Variants in TLCD3B observed in about 807,000 individuals in gnomAD.
The protein encoded by TLCD3B is ceramide synthase.
In TLCD3B, 9 loss-of-function variants were observed where a neutral mutation model predicts 23.0. That is an observed-to-expected ratio of 0.39 (90% CI 0.24 to 0.68). The LOEUF is 0.68. TLCD3B is among the 30% of genes least tolerant of loss of function. TLCD3B has a pLI of 0.44. For synonymous variants in TLCD3B, 161 were observed against 161.0 expected, an observed-to-expected ratio of 1.00 and a Z score of 0.00; for missense variants, 307 against 371.8, an observed-to-expected ratio of 0.83 and a Z score of 1.43.
intron 2 of TLCD3B, chr16:30,027,167 C>A (rs1026196527): frequency 4.1e-6 from 2 of 487,266 alleles, no homozygotes; most frequent in Non-Finnish European, 8.1e-6. Flanking sequence ...AAGCCCAGGA[C>A]AGGCAGGTGG....
At chr16:30,036,469 A>G (rs1024453001) in intron 3 of TLCD3B, 2 of 1,201,748 alleles carry the variant, frequency 1.7e-6, no homozygotes, top group Non-Finnish European at 2.1e-6. Flanking sequence ...AGGTCCTGCC[A>G]TCCTGCCTTC....
chr16:30,027,215 G>A, intron 2 of TLCD3B: 1 of 461,674 alleles, frequency 2.2e-6, no homozygotes, highest in Non-Finnish European at 4.3e-6. Context: ...CTTACCATGA[G>A]GTTAGGACCA....
intron 2 of TLCD3B, among the ~76,000 whole-genome samples, chr16:30,042,826 C>T (rs574246174): frequency 6.6e-6 from 1 of 152,206 alleles, no homozygotes; most frequent in South Asian, 2.1e-4. Context: ...AGGCCAGGCA[C>T]AGTGGCTCAC....
chr16:30,043,323 A>C (rs2071606807), intron 2 of TLCD3B, among the ~76,000 whole-genome samples: 1 of 152,144 alleles, frequency 6.6e-6, no homozygotes, highest in Non-Finnish European at 1.5e-5. Context: ...TCCTGTGCTC[A>C]GGGGATCCTC....
chr16:30,032,178 G>A (rs150827555), upstream of TLCD3B, among the ~76,000 whole-genome samples: 803 of 152,278 alleles, frequency 5.3e-3, 18 homozygotes, highest in Middle Eastern at 0.041. Context: ...CTGGGGACTG[G>A]GCCCGGGTGG....
chr16:30,037,505 T>G (rs1461592411), intron 3 of TLCD3B, among the ~76,000 whole-genome samples: 1 of 146,476 alleles, frequency 6.8e-6, no homozygotes, highest in African/African-American at 2.6e-5. Flanking sequence ...ATGGCACCAC[T>G]GCACTCCAGC....
intron 2 of TLCD3B, among the ~76,000 whole-genome samples, chr16:30,042,208 G>T (rs978732129): frequency 6.6e-6 from 1 of 151,794 alleles, no homozygotes; most frequent in Non-Finnish European, 1.5e-5. Context: ...TTTCTGAGCC[G>T]CCTTTATTTA....
At chr16:30,026,978 A>G in intron 2 of TLCD3B, 135 bp from the exon 3 acceptor site, 1 of 763,462 alleles carries the variant, frequency 1.3e-6, no homozygotes. Context: ...TCCAGAGGGT[A>G]GAGGGTGAGA....
intron 2 of TLCD3B, among the ~76,000 whole-genome samples, chr16:30,044,535 C>T (rs1051066772): frequency 1.3e-5 from 2 of 152,118 alleles, no homozygotes; most frequent in African/African-American, 4.8e-5. Flanking sequence ...TGGTCTCAAA[C>T]TCCTGACCTC....
chr16:30,033,046 G>A (rs1326749447), upstream of TLCD3B: 1 of 152,096 alleles, frequency 6.6e-6, no homozygotes, highest in Non-Finnish European at 1.5e-5. Flanking sequence ...TCATGAGATC[G>A]AGACCATCCT....
chr16:30,025,991 T>C lies in TLCD3B; in HGVS notation c.445-170A>G, dbSNP rs558607590. Among the ~76,000 whole-genome samples, 2 of 152,162 alleles carry C rather than the reference T, an allele frequency of 1.3e-5. No homozygotes were observed. The highest frequency in any genetic ancestry group is 4.8e-5 in the African/African-American group (2 of 41,530). ...GCTCACGCCGGTAATCCCAGCACTT[T>C]GGGAGGCTGAGGCAGGTGGATCACG... is the stretch of plus-strand genomic sequence containing the variant. On this transcript the variant is annotated intron_variant, in intron 3 of 4. Coordinates refer to ENST00000380495, the MANE Select transcript of TLCD3B (RefSeq NM_031478.6). The surrounding 1 kb of genome is among the most constrained non-coding windows in gnomAD (Gnocchi z 4.1).
At chr16:30,048,731 C>G (rs1328191577) in intron 1 of TLCD3B, among the ~76,000 whole-genome samples, 1 of 151,898 alleles carries the variant, frequency 6.6e-6, no homozygotes, top group Non-Finnish European at 1.5e-5. Flanking sequence ...CTCAGCCTCC[C>G]GAGTAGCTGA....
In TLCD3B at chr16:30,045,092, C is replaced by CAAAAAAAAAAA. The variant is rs1162281544; in HGVS notation, c.-229+1220_-229+1230dup. On this transcript the variant is annotated intron_variant, in intron 2 of 6. Coordinates refer to the TLCD3B transcript ENST00000561666. ...TGGGCGACAAAGCAAGACTCCATCT[C>CAAAAAAAAAAA]AAAAAAAAAAAAAAAAAAAAAAAAA... 8.9e-3 allele frequency among the ~76,000 whole-genome samples: 197 copies of CAAAAAAAAAAA among 22,140 alleles called. 5 individuals are homozygous for CAAAAAAAAAAA. Among genetic ancestry groups the CAAAAAAAAAAA allele is most frequent in the Non-Finnish European group, 0.01 (140 of 13,420 alleles). 14.5% of individuals were successfully genotyped at this position (22,140 alleles called of 152,430 possible).
Position 30,030,680 on chromosome 16 carries a change from T to C in TLCD3B, c.-153A>G. 1 of 891,462 alleles carries C rather than the reference T, an allele frequency of 1.1e-6. No individual in the cohort carries two copies. 55.2% of individuals were successfully genotyped at this position (891,462 alleles called of 1,614,324 possible). A position where few individuals can be genotyped will look rare whatever the true frequency, so the allele number is the denominator to read the frequency against. ...CAAAGGGGCCAGGGCGGGGACGGGATGGGGCCAGGGAGTCCGATGAAACTG... is the reference window on the plus strand; with the variant it reads ...CAAAGGGGCCAGGGCGGGGACGGGACGGGGCCAGGGAGTCCGATGAAACTG... On this transcript the variant is annotated 5_prime_UTR_variant, in exon 1 of 5. Coordinates refer to ENST00000380495, the MANE Select transcript of TLCD3B (RefSeq NM_031478.6).
intron 1 of TLCD3B, 69 bp downstream of exon 1, chr16:30,030,334 C>T (rs2071316000): frequency 1.4e-6 from 2 of 1,435,340 alleles, no homozygotes; most frequent in Non-Finnish European, 1.9e-6. Flanking sequence ...CAGAGAAGTG[C>T]CAGGTCCCTT....
At chr16:30,026,926 G>T in intron 2 of TLCD3B, 83 bp from the exon 3 acceptor site, 2 of 1,194,228 alleles carry the variant, frequency 1.7e-6, no homozygotes, top group Non-Finnish European at 2.4e-6. Context: ...GGTCAGCACA[G>T]CAGCCCTGGA....
chr16:30,030,042 T>G (rs1167435187), intron 1 of TLCD3B: 3 of 1,340,206 alleles, frequency 2.2e-6, no homozygotes, highest in Middle Eastern at 4.1e-4. Flanking sequence ...CCTCCATCCC[T>G]GGCCCCCAAA....
intron 3 of TLCD3B, among the ~76,000 whole-genome samples, chr16:30,037,459 C>G (rs1453669551): frequency 3.3e-5 from 5 of 150,428 alleles, no homozygotes; most frequent in East Asian, 3.9e-4. Flanking sequence ...AGGAGAATGG[C>G]GTGAACCTGG....
upstream of TLCD3B, among the ~76,000 whole-genome samples, chr16:30,034,776 A>G (rs147636310): frequency 1.3e-3 from 202 of 152,256 alleles, 1 homozygote; most frequent in African/African-American, 4.3e-3. Flanking sequence ...GCTGATTCAT[A>G]TGATCCTCAC....
Sources: gnomAD v4.1 joint callset for allele counts (sites outside exome capture counted in the v4.1 genomes callset) on GRCh38, gnomAD v4.1.1 for gene constraint, Gnocchi (gnomAD v3.1) non-coding constraint, MANE v1.5 for transcripts, NCBI Gene and HGNC (gene_info 2026-07-23, HGNC 2026-07-21) for gene names.